ABCG8: variants seen among roughly 807,000 people sequenced by gnomAD.
ABCG8 encodes ATP-binding cassette sub-family G member 8.
In ABCG8, 81 loss-of-function variants were observed where a neutral mutation model predicts 71.3. The ratio of observed to expected loss-of-function variants is 1.14; its 90% confidence interval spans 0.95 to 1.37. ABCG8 has a LOEUF of 1.37. ABCG8 is among the 40% of genes most tolerant of loss of function. The pLI is 0.00. For synonymous variants in ABCG8, 451 were observed against 354.7 expected (o/e 1.27, Z -3.05); for missense variants, 1,119 against 866.2 (o/e 1.29, Z -3.66).
chr2:43,855,223 A>G (rs6718187), intron 6 of ABCG8, among the ~76,000 whole-genome samples: 74,770 of 151,962 alleles, frequency 0.49, 18,996 homozygotes, highest in East Asian at 0.86. Flanking sequence ...TCTCAATACA[A>G]TTCTCACCAT....
In ABCG8 at chr2:43,878,092, C is replaced by G; in HGVS notation, c.*179C>G. On this transcript the variant is annotated 3_prime_UTR_variant, in exon 13 of 13. Transcript: ENST00000272286. ...CCACAGGATGGCAGTAGAATAAAGA[C>G]AGTCGAAAGGGATTTCTGCTCACTG... is the stretch of plus-strand genomic sequence containing the variant. The G allele has an allele frequency of 1.1e-6, 1 of 875,832 alleles. No homozygotes were observed. The highest frequency in any genetic ancestry group is 2.7e-5 in the East Asian group (1 of 37,310). 54.3% of individuals were successfully genotyped at this position (875,832 alleles called of 1,614,324 possible).
rs1457374635 is a variant in ABCG8, at chr2:43,878,947, C to T, written c.*1034C>T. The T allele has an allele frequency of 2.0e-5, 3 of 152,352 alleles. No individual in the cohort carries two copies. The highest frequency in any genetic ancestry group is 2.1e-4 in the South Asian group (1 of 4,816). The allele number at this position is 152,352 out of a possible 1,614,324, so 9.4% of individuals were successfully genotyped here. ...TTTATAAGGGGCTTCCCTCTTCGCT[C>T]GGCTCTCATTCTCTCTCCCGCTACC... On this transcript the variant is annotated 3_prime_UTR_variant, in exon 13 of 13. Coordinates refer to ENST00000272286, the MANE Select transcript of ABCG8 (RefSeq NM_022437.3).
rs370319606 is a variant in ABCG8, at chr2:43,881,243, A to C, written c.*3330A>C. 3 of 152,374 alleles carry C rather than the reference A, an allele frequency of 2.0e-5. No individual in the cohort carries two copies. Among genetic ancestry groups the C allele is most frequent in the Middle Eastern group, 3.4e-3 (1 of 294 alleles). The allele number at this position is 152,374 out of a possible 1,614,324, so 9.4% of individuals were successfully genotyped here. On this transcript the variant is annotated 3_prime_UTR_variant, in exon 13 of 13. Transcript: ENST00000272286. ...TGCAAAGGCAGGAGGGATGGAGAAA[A>C]TATAGCAGCTGCCATTTATTTGTGT...
At chr2:43,843,195 C>T (rs1197576655) in intron 1 of ABCG8, among the ~76,000 whole-genome samples, 1 of 151,402 alleles carries the variant, frequency 6.6e-6, no homozygotes, top group Non-Finnish European at 1.5e-5. Flanking sequence ...CTAAGCTTTT[C>T]AACGGCCTTT....
At chr2:43,856,771 T>G (rs1292812556) in intron 6 of ABCG8, among the ~76,000 whole-genome samples, 1 of 151,818 alleles carries the variant, frequency 6.6e-6, no homozygotes, top group Non-Finnish European at 1.5e-5. Context: ...GAATTCTCAC[T>G]CTAGATAAAA....
rs775002806 is a variant in ABCG8, at chr2:43,878,202, A to G, written c.*289A>G. On this transcript the variant is annotated 3_prime_UTR_variant, in exon 13 of 13. Coordinates refer to ENST00000272286, the MANE Select transcript of ABCG8 (RefSeq NM_022437.3). ...ATTTATTTCCTTTTGATATGCATTT[A>G]TATAGGCAACTCGATATAGGATGGG... 2 of 449,850 alleles carry G rather than the reference A, an allele frequency of 4.4e-6. No individual in the cohort carries two copies. The highest frequency in any genetic ancestry group is 9.4e-5 in the East Asian group (2 of 21,292). The allele number at this position is 449,850 out of a possible 1,614,324, so 27.9% of individuals were successfully genotyped here.
chr2:43,843,834 C>G (rs1391017101), intron 1 of ABCG8, among the ~76,000 whole-genome samples: 1 of 152,054 alleles, frequency 6.6e-6, no homozygotes, highest in East Asian at 1.9e-4. Flanking sequence ...ACCACCACTT[C>G]GACAATAACA....
At chr2:43,866,656 A>C (rs1031433438) in intron 6 of ABCG8, among the ~76,000 whole-genome samples, 2 of 152,124 alleles carry the variant, frequency 1.3e-5, no homozygotes, top group Non-Finnish European at 2.9e-5. Context: ...ATACCATCTC[A>C]CACCAGTTAG....
intron 4 of ABCG8, 35 bp downstream of exon 4, chr2:43,851,857 C>G (rs757700263): frequency 1.2e-6 from 2 of 1,605,356 alleles, no homozygotes; most frequent in Non-Finnish European, 1.7e-6. Flanking sequence ...CCCCCAGGTC[C>G]AAGAAGCTAC....
At chr2:43,868,382 C>T (rs1669611020) in intron 6 of ABCG8, among the ~76,000 whole-genome samples, 5 of 152,014 alleles carry the variant, frequency 3.3e-5, no homozygotes, top group Non-Finnish European at 7.4e-5. Context: ...GTATAGAATT[C>T]TTACTCTCTG....
In ABCG8 at chr2:43,877,845, G is replaced by A. The variant is rs755130225; in HGVS notation, c.1954G>A (p.Gly652Ser). The change falls in exon 13 of 13, where the codon GGT (glycine) becomes AGT (serine). Residue 652 changes from glycine (G) to serine (S), a missense_variant. By Grantham distance (56) the Gly-to-Ser change is moderately conservative. Coordinates refer to ENST00000272286, the MANE Select transcript of ABCG8 (RefSeq NM_022437.3). The stretch of plus-strand genomic sequence containing the variant: ...CTACCTCATCGTCATTGGCCTCAGC[G>A]GTGGCTTCATGGTCCTGTACTACGT... ...AIYLIVIGLS[G>S]GFMVLYYVSL... is the part of the protein sequence containing the mutation. 1.2e-5 allele frequency: 19 copies of A among 1,614,082 alleles called. No homozygotes were observed. The highest frequency in any genetic ancestry group is 2.2e-5 in the East Asian group (1 of 44,864).
chr2:43,867,533 A>G (rs974700669), intron 6 of ABCG8, among the ~76,000 whole-genome samples: 9 of 150,970 alleles, frequency 6.0e-5, no homozygotes, highest in African/African-American at 2.2e-4. Flanking sequence ...AATTGTCACC[A>G]TCTGCATGGA....
At position 43,839,088 on chromosome 2, in the gene ABCG8, C is replaced by A; in HGVS notation, c.35C>A (p.Pro12Gln). Residue 12 changes from proline to glutamine, a missense_variant, in exon 1 of 13, where the codon CCG (proline) becomes CAG (glutamine). Transcript: ENST00000272286. ...AAGGCGGCAGAGGAGAGAGGGCTGC[C>A]GAAAGGGGCCACTCCCCAGGATACC... The part of the protein sequence containing the change: ...AGKAAEERGL[P>Q]KGATPQDTSG... The A allele has an allele frequency of 6.4e-7, 1 of 1,551,174 alleles. No homozygotes were observed. The highest frequency in any genetic ancestry group is 1.2e-5 in the South Asian group (1 of 84,014).
chr2:43,843,293 T>C (rs1347799860), intron 1 of ABCG8, among the ~76,000 whole-genome samples: 1 of 152,222 alleles, frequency 6.6e-6, no homozygotes, highest in Non-Finnish European at 1.5e-5. Flanking sequence ...TGAAGGAATG[T>C]ATAGTGTGAG....
intron 3 of ABCG8, among the ~76,000 whole-genome samples, chr2:43,851,381 G>C (rs1418981328): frequency 6.6e-6 from 1 of 152,236 alleles, no homozygotes; most frequent in Non-Finnish European, 1.5e-5. Context: ...GGGTGCTCAC[G>C]TTGGCTGCAG....
At chr2:43,844,659 G>A (rs767703852) in intron 2 of ABCG8, 51 bp downstream of exon 2, 15 of 1,449,198 alleles carry the variant, frequency 1.0e-5, no homozygotes, top group Non-Finnish European at 1.4e-5. Context: ...GGACAGCCAG[G>A]AAATTCCCCG....
intron 1 of ABCG8, among the ~76,000 whole-genome samples, chr2:43,840,897 G>C (rs1668564128): frequency 6.6e-6 from 1 of 152,178 alleles, no homozygotes. Context: ...AAGTCCTCAG[G>C]AGGTTGGGCC....
At chr2:43,856,393 G>T in intron 6 of ABCG8, among the ~76,000 whole-genome samples, 1 of 144,204 alleles carries the variant, frequency 6.9e-6, no homozygotes, top group Non-Finnish European at 1.5e-5. Context: ...TGTCTGGATA[G>T]AACTCTCACT....
rs1386052283 is a variant in ABCG8 at position 43,872,304 on chromosome 2, C to T, written c.1209C>T (p.Ile403=). 1 of 1,613,412 alleles carries T rather than the reference C, an allele frequency of 6.2e-7. No homozygotes were observed. The highest frequency in any genetic ancestry group is 1.7e-5 in the Admixed American group (1 of 59,930). ...PGAVQQFTTL[I]RRQISNDFRD... The stretch of plus-strand genomic sequence containing the variant: ...CGGTGCAGCAGTTTACGACGCTGAT[C>T]CGGTAATTATCTGTCATTTTATTAC... Residue 403 remains isoleucine (I), a splice_region_variant and synonymous_variant, in exon 8 of 13, where the codon ATC becomes ATT. Transcript: ENST00000272286.
Sources: allele counts gnomAD v4.1 joint callset (sites outside exome capture counted in the v4.1 genomes callset), GRCh38; gene constraint gnomAD v4.1.1; transcripts MANE v1.5; gene names NCBI Gene and HGNC (gene_info 2026-07-23, HGNC 2026-07-21).